Variants in C5 observed in about 807,000 individuals in gnomAD.
C5 encodes complement C5.
C5 carries 140 observed loss-of-function variants against 218.8 expected under a neutral mutation model. That is an observed-to-expected ratio of 0.64 (90% CI 0.56 to 0.74). C5 has a LOEUF of 0.74. Ranked by LOEUF, C5 falls within the 30% of genes least tolerant of loss-of-function variation. C5 has a pLI of 0.00. For missense variants in C5, 1,700 were observed against 1,969.6 expected (o/e 0.86, Z 2.59); for synonymous variants, 614 against 682.3 (o/e 0.90, Z 1.56).
At chr9:121,065,565 A>T in the C5 span, among the ~76,000 whole-genome samples, 5 of 152,162 alleles carry the variant, frequency 3.3e-5, no homozygotes, top group Non-Finnish European at 5.9e-5. Context: ...ATCACAGCTC[A>T]CTGCAGCCTC....
intron 14 of C5, 48 bp downstream of exon 14, chr9:121,017,314 G>A: frequency 1.2e-6 from 2 of 1,607,500 alleles, no homozygotes; most frequent in Non-Finnish European, 8.5e-7. Context: ...ATCCTAGCCT[G>A]GTGGCCACAC....
the C5 span, among the ~76,000 whole-genome samples, chr9:121,074,104 T>A: frequency 6.6e-6 from 1 of 152,126 alleles, no homozygotes; most frequent in African/African-American, 2.4e-5. Context: ...TAGTCAAGGA[T>A]GGGGAGCGAT....
chr9:120,969,372 A>C lies in C5; in HGVS notation c.4163-254T>G, dbSNP rs55923533. On this transcript the variant is annotated intron_variant, in intron 32 of 40. Transcript: ENST00000223642. ...TTATAATTTAATGAAGAAATTATTA[A>C]AGATAAATATGTATTGGTAATATGT... Among the ~76,000 whole-genome samples, 323 of 152,384 alleles carry C rather than the reference A, an allele frequency of 2.1e-3. 4 individuals are homozygous for C. Among genetic ancestry groups the C allele is most frequent in the East Asian group, 0.018 (94 of 5,192 alleles).
chr9:121,039,300 G>A (rs761277727), intron 3 of C5, among the ~76,000 whole-genome samples: 2 of 152,118 alleles, frequency 1.3e-5, no homozygotes, highest in Admixed American at 6.5e-5. Flanking sequence ...TCTTCACAGC[G>A]ATGGTACATT....
rs755231365 is a variant in C5 at position 121,013,870 on chromosome 9, T to C, written c.2257+3A>G. On this transcript the variant is annotated splice_donor_region_variant and intron_variant, in intron 17 of 40. Transcript: ENST00000223642. Reference sequence around the variant, plus strand: ...GAATTCTGATAGAAAATGTCATACTTACGTAGCCTTCCCAATTGCATGTCT... The same window carrying C: ...GAATTCTGATAGAAAATGTCATACTCACGTAGCCTTCCCAATTGCATGTCT... The C allele has an allele frequency of 3.7e-6, 6 of 1,612,984 alleles. No homozygotes were observed. The East Asian group carries it at 1.1e-4, about 30-fold the overall frequency.
chr9:121,064,287 A>T, the C5 span, among the ~76,000 whole-genome samples: 1 of 151,920 alleles, frequency 6.6e-6, no homozygotes, highest in Non-Finnish European at 1.5e-5. Flanking sequence ...GATATTGTCT[A>T]CTCTGTCCAC....
chr9:121,019,979 G>C lies in C5; in HGVS notation c.1503C>G (p.Tyr501Ter), dbSNP rs768093511. The C allele has an allele frequency of 6.4e-7, 1 of 1,570,018 alleles. No homozygotes were observed. The highest frequency in any genetic ancestry group is 8.8e-7 in the Non-Finnish European group (1 of 1,140,030). The change falls in exon 12 of 41, where the codon TAC (tyrosine) becomes TAG (stop). Residue 501 changes from tyrosine to a stop codon, truncating the protein, a stop_gained. Coordinates refer to ENST00000223642, the MANE Select transcript of C5 (RefSeq NM_001735.3). LOFTEE classifies it high-confidence loss of function. ...PYIDKITHYNYLILSKGKIIH... is the reference protein window; with the variant it reads ...PYIDKITHYN The stretch of plus-strand genomic sequence containing the variant: ...AAATCCATCATTATGTACTTACCAA[G>C]TAATTATAGTGAGTTATTTTGTCAA...
At chr9:121,022,343 T>C (rs2047373607) in intron 10 of C5, among the ~76,000 whole-genome samples, 1 of 150,926 alleles carries the variant, frequency 6.6e-6, no homozygotes, top group Non-Finnish European at 1.5e-5. Context: ...AGATATAGTT[T>C]GTTATTTTAC....
At chr9:121,004,627 G>A (rs1010132126) in intron 20 of C5, among the ~76,000 whole-genome samples, 1 of 152,174 alleles carries the variant, frequency 6.6e-6, no homozygotes, top group Middle Eastern at 3.4e-3. Context: ...ACAAAAATTA[G>A]CCAAGCATGG....
At chr9:120,973,188 G>A (rs1305850319) in intron 30 of C5, among the ~76,000 whole-genome samples, 1 of 152,168 alleles carries the variant, frequency 6.6e-6, no homozygotes, top group Non-Finnish European at 1.5e-5. Flanking sequence ...TAACAGCCCA[G>A]GTTTTACATG....
At chr9:121,011,030 A>G (rs2047257755) in intron 17 of C5, among the ~76,000 whole-genome samples, 1 of 152,230 alleles carries the variant, frequency 6.6e-6, no homozygotes, top group Non-Finnish European at 1.5e-5. Context: ...TAAAACTGCT[A>G]TAGGAAAACA....
intron 11 of C5, among the ~76,000 whole-genome samples, chr9:121,021,292 A>C (rs533784205): frequency 6.6e-6 from 1 of 152,294 alleles, no homozygotes; most frequent in East Asian, 1.9e-4. Flanking sequence ...TAAAACAATT[A>C]ACTCCCAAAT....
chr9:121,026,745 T>C lies in C5; in HGVS notation c.873+415A>G, dbSNP rs187665852. Reference sequence around the variant, plus strand: ...TACAGCCGGGGCAGCTAACCTAGTGTAGAAGAGTCAGGGGAGGCTTCCCAG... The same window carrying C: ...TACAGCCGGGGCAGCTAACCTAGTGCAGAAGAGTCAGGGGAGGCTTCCCAG... On this transcript the variant is annotated intron_variant, in intron 8 of 40. Coordinates refer to ENST00000223642, the MANE Select transcript of C5 (RefSeq NM_001735.3). Among the ~76,000 whole-genome samples the C allele has an allele frequency of 1.1e-4, 16 of 152,210 alleles. No homozygotes were observed. In the East Asian group the frequency reaches 2.9e-3, roughly 27 times the overall value.
chr9:120,965,040 C>G (rs1351712826), intron 33 of C5, among the ~76,000 whole-genome samples: 1 of 152,024 alleles, frequency 6.6e-6, no homozygotes, highest in Non-Finnish European at 1.5e-5. Flanking sequence ...TGAAAGGCAG[C>G]TGGATGTTTG....
At chr9:121,016,465 T>C (rs998135764) in intron 14 of C5, 82 bp from the exon 15 acceptor site, 13 of 1,548,732 alleles carry the variant, frequency 8.4e-6, no homozygotes, top group East Asian at 2.2e-5. Flanking sequence ...AATTGTTACA[T>C]GGTTATCACA....
At chr9:120,989,808 C>CA (rs1184603568) in intron 23 of C5, 28 bp from the exon 24 acceptor site, 1 of 1,558,800 alleles carries the variant, frequency 6.4e-7, no homozygotes, top group Admixed American at 1.7e-5. Context: ...AAAGTAGACA[C>CA]ATTGCTTTTT....
At chr9:121,008,547 C>T (rs773868440) in intron 17 of C5, 49 bp from the exon 18 acceptor site, 4 of 1,346,506 alleles carry the variant, frequency 3.0e-6, no homozygotes, top group South Asian at 1.2e-5. Context: ...ATAAATTCTA[C>T]TTATAGGTGA....
Position 121,029,044 on chromosome 9 carries a change from G to T in C5, c.758+1353C>A, listed in dbSNP as rs540967735. Among the ~76,000 whole-genome samples the T allele has an allele frequency of 6.6e-5, 10 of 152,174 alleles. No individual in the cohort carries two copies. The East Asian group carries it at 7.7e-4, about 12-fold the overall frequency. ...TTTCTTTTATGTTTTTAAAAGGTACGTGTCCAATCTCACTGTTATATGAGA... is the reference window on the plus strand; with the variant it reads ...TTTCTTTTATGTTTTTAAAAGGTACTTGTCCAATCTCACTGTTATATGAGA... On this transcript the variant is annotated intron_variant, in intron 7 of 40. Transcript: ENST00000223642.
the C5 span, among the ~76,000 whole-genome samples, chr9:121,067,587 G>A: frequency 6.6e-6 from 1 of 151,348 alleles, no homozygotes; most frequent in African/African-American, 2.4e-5. Flanking sequence ...AAAAAAAGAG[G>A]AAAATTCCTC....
Sources: gnomAD v4.1 joint callset for allele counts (sites outside exome capture counted in the v4.1 genomes callset) on GRCh38, gnomAD v4.1.1 for gene constraint, MANE v1.5 for transcripts, NCBI Gene and HGNC (gene_info 2026-07-23, HGNC 2026-07-21) for gene names.